MYBL2: variants seen among roughly 807,000 people sequenced by gnomAD.
MYBL2 encodes the protein MYB proto-oncogene like 2.
In MYBL2, 28 loss-of-function variants were observed where a neutral mutation model predicts 79.9. The ratio of observed to expected loss-of-function variants is 0.35; its 90% CI spans 0.26 to 0.48. The LOEUF (loss-of-function observed/expected upper bound fraction) is 0.48. Among genes scored for constraint, MYBL2 ranks in the 20% least tolerant of loss-of-function variants. MYBL2 has a pLI of 0.99. For missense variants in MYBL2, 735 were observed against 893.9 expected (o/e 0.82, Z 2.27); for synonymous variants, 378 against 361.2 (o/e 1.05, Z -0.53).
intron 1 of MYBL2, among the ~76,000 whole-genome samples, chr20:43,672,134 C>G (rs1248560877): frequency 1.3e-5 from 1 of 79,236 alleles, no homozygotes; most frequent in Non-Finnish European, 2.8e-5. Context: ...TCGCCTGAAC[C>G]TGGGGGGCAG....
chr20:43,681,412 T>A (rs1440631807), intron 2 of MYBL2, among the ~76,000 whole-genome samples: 1 of 152,234 alleles, frequency 6.6e-6, no homozygotes, highest in Non-Finnish European at 1.5e-5. Flanking sequence ...GTCTGGCCCC[T>A]ATGGTTCCCT....
At chr20:43,675,761 T>TTG (rs34999422) in intron 2 of MYBL2, among the ~76,000 whole-genome samples, 101,055 of 148,042 alleles carry the variant, frequency 0.68, 36,812 homozygotes, top group East Asian at 0.87. Flanking sequence ...TTTGGGGGCT[T>TTG]TGTGTGTGTG....
intron 2 of MYBL2, among the ~76,000 whole-genome samples, chr20:43,674,608 C>T (rs1170218050): frequency 1.3e-5 from 2 of 151,626 alleles, no homozygotes; most frequent in African/African-American, 2.4e-5. Flanking sequence ...GCTGGCCAGG[C>T]TGGTCTCGAA....
chr20:43,667,571 A>G (rs1006778027), intron 1 of MYBL2, among the ~76,000 whole-genome samples: 25 of 152,040 alleles, frequency 1.6e-4, no homozygotes, highest in African/African-American at 5.8e-4. Context: ...GACCCGGGCC[A>G]AGCCGTGCAT....
At chr20:43,700,085 C>A (rs1014928852) in intron 7 of MYBL2, 41 bp downstream of exon 7, 2 of 1,593,310 alleles carry the variant, frequency 1.3e-6, no homozygotes, top group South Asian at 2.2e-5. Flanking sequence ...ACAGAACACC[C>A]CCAGCAGGAA....
chr20:43,701,888 G>A (rs370236483), intron 7 of MYBL2, among the ~76,000 whole-genome samples: 28 of 152,092 alleles, frequency 1.8e-4, no homozygotes, highest in African/African-American at 5.3e-4. Flanking sequence ...AGCTGAAGCC[G>A]GGTGCAGTGG....
chr20:43,667,637 G>C (rs1435459844), intron 1 of MYBL2, among the ~76,000 whole-genome samples: 1 of 152,210 alleles, frequency 6.6e-6, no homozygotes, highest in Non-Finnish European at 1.5e-5. Context: ...GCCGGTGTCA[G>C]CTGGCAGGGC....
chr20:43,708,622 T>C, intron 9 of MYBL2, among the ~76,000 whole-genome samples: 1 of 151,890 alleles, frequency 6.6e-6, no homozygotes, highest in East Asian at 1.9e-4. Context: ...AGTGATGGAG[T>C]CTGTGTTACC....
intron 1 of MYBL2, 23 bp from the exon 2 acceptor site, chr20:43,673,783 C>G: frequency 6.4e-7 from 1 of 1,571,972 alleles, no homozygotes; most frequent in East Asian, 2.3e-5. Flanking sequence ...CCATCCTTGA[C>G]CCTTGGCCTG....
At chr20:43,699,298 G>A (rs750576206) in intron 6 of MYBL2, among the ~76,000 whole-genome samples, 1 of 151,776 alleles carries the variant, frequency 6.6e-6, no homozygotes, top group Non-Finnish European at 1.5e-5. Context: ...CACCAGCCTC[G>A]ACCTCCCAAA....
At chr20:43,667,419 TGGGGGTG>T (rs1405221913) in intron 1 of MYBL2, 116 bp downstream of exon 1, 1 of 679,476 alleles carries the variant, frequency 1.5e-6, no homozygotes, top group African/African-American at 1.9e-5. Context: ...GTGTGTGTGT[TGGGGGTG>T]GGGTGTTTCC....
chr20:43,703,503 G>T (rs1241684525), intron 8 of MYBL2, among the ~76,000 whole-genome samples: 2 of 152,274 alleles, frequency 1.3e-5, no homozygotes, highest in East Asian at 3.9e-4. Context: ...TAGAGGTCAT[G>T]GGGGGCACCT....
At chr20:43,678,879 A>C (rs1274499566) in intron 2 of MYBL2, among the ~76,000 whole-genome samples, 10 of 149,004 alleles carry the variant, frequency 6.7e-5, no homozygotes, top group African/African-American at 1.5e-4. Flanking sequence ...AAAAAAGAAA[A>C]AAACATATAG....
chr20:43,704,319 C>A (rs1457693482), intron 8 of MYBL2, among the ~76,000 whole-genome samples: 1 of 152,144 alleles, frequency 6.6e-6, no homozygotes, highest in East Asian at 1.9e-4. Flanking sequence ...CCTGGCCTAA[C>A]TAACCACTTT....
chr20:43,713,155 A>G, intron 12 of MYBL2, 49 bp downstream of exon 12: 1 of 1,320,832 alleles, frequency 7.6e-7, no homozygotes, highest in Non-Finnish European at 1.0e-6. Flanking sequence ...AGGACCCTCA[A>G]GGTGGAGTTA....
rs1185028480 is a variant in MYBL2 at position 43,692,318 on chromosome 20, A to C, written c.662A>C (p.Gln221Pro). The C allele has an allele frequency of 1.9e-6, 3 of 1,614,016 alleles. No individual in the cohort carries two copies. The highest frequency in any genetic ancestry group is 2.5e-6 in the Non-Finnish European group (3 of 1,179,934). ...GLQSAQPTEGQGSLLTNWPSV... is the reference protein window; with the variant it reads ...GLQSAQPTEGPGSLLTNWPSV... ...CAGAGTGCCCAGCCCACGGAAGGCC[A>C]GGTGAGACAGCTGCTCAGCCTTTGG... is the stretch of plus-strand genomic sequence containing the variant. Residue 221 changes from glutamine to proline, a missense_variant and splice_region_variant, in exon 6 of 14, where the codon CAG becomes CCG. Coordinates refer to ENST00000217026, the MANE Select transcript of MYBL2 (RefSeq NM_002466.4).
At chr20:43,680,136 A>C (rs1230478573) in intron 2 of MYBL2, among the ~76,000 whole-genome samples, 1 of 151,926 alleles carries the variant, frequency 6.6e-6, no homozygotes, top group South Asian at 2.1e-4. Flanking sequence ...GTTCAAGTGA[A>C]TCTTCTGCTG....
chr20:43,671,948 G>A (rs113120548), intron 1 of MYBL2, among the ~76,000 whole-genome samples: 3 of 151,490 alleles, frequency 2.0e-5, no homozygotes, highest in Non-Finnish European at 2.9e-5. Context: ...GGTGGCTCAC[G>A]CCTGTAATCC....
intron 7 of MYBL2, among the ~76,000 whole-genome samples, chr20:43,701,038 C>T (rs971011600): frequency 1.3e-5 from 2 of 152,148 alleles, no homozygotes; most frequent in African/African-American, 4.8e-5. Flanking sequence ...TCTTTAACAG[C>T]CTGTGAGGTG....
Sources: gnomAD v4.1 joint callset for allele counts (sites outside exome capture counted in the v4.1 genomes callset) on GRCh38, gnomAD v4.1.1 for gene constraint, MANE v1.5 for transcripts, NCBI Gene and HGNC (gene_info 2026-07-23, HGNC 2026-07-21) for gene names.